CALD1: variants seen among roughly 807,000 people sequenced by gnomAD.
CALD1 encodes the protein caldesmon 1, also known as caldesmon.
A neutral mutation model predicts 99.9 loss-of-function variants in CALD1; 33 were observed. That is an observed-to-expected ratio of 0.33 (90% CI 0.25 to 0.44). The LOEUF (loss-of-function observed/expected upper bound fraction) is 0.44, where lower values mean the gene tolerates loss of function less well. CALD1 is among the 20% of genes least tolerant of loss of function. The pLI is 1.00. For missense variants in CALD1, 861 were observed against 962.1 expected, an observed-to-expected ratio of 0.89 and a Z score of 1.39; for synonymous variants, 310 against 325.0, an observed-to-expected ratio of 0.95 and a Z score of 0.50.
chr7:134,930,319 C>T (rs1447574616), intron 4 of CALD1, among the ~76,000 whole-genome samples: 1 of 151,804 alleles, frequency 6.6e-6, no homozygotes, highest in African/African-American at 2.4e-5. Flanking sequence ...TTTATGTGCC[C>T]CAAGGTCTAA....
intron 6 of CALD1, 96 bp downstream of exon 6, chr7:134,935,861 C>T (rs1186838177): frequency 8.3e-7 from 1 of 1,204,738 alleles, no homozygotes; most frequent in African/African-American, 1.6e-5. Context: ...ATTGTAACCT[C>T]ATATCCAGTG....
chr7:134,864,244 G>GGCTGAA (rs1028109810), intron 2 of CALD1, among the ~76,000 whole-genome samples: 1 of 151,926 alleles, frequency 6.6e-6, no homozygotes, highest in Non-Finnish European at 1.5e-5. Flanking sequence ...GTACTCAGGA[G>GGCTGAA]GCTGAAGCAG....
At chr7:134,823,131 A>G (rs988871202) in intron 1 of CALD1, among the ~76,000 whole-genome samples, 3 of 152,204 alleles carry the variant, frequency 2.0e-5, no homozygotes, top group African/African-American at 4.8e-5. Context: ...GTACGTACAT[A>G]TCATCTCAAA....
chr7:134,790,154 G>C (rs934947333), intron 1 of CALD1, among the ~76,000 whole-genome samples: 46 of 151,586 alleles, frequency 3.0e-4, no homozygotes, highest in African/African-American at 1.1e-3. Flanking sequence ...AGAGGAGGGA[G>C]GGGAGAAGGA....
chr7:134,923,924 T>C (rs1174998802), intron 3 of CALD1, among the ~76,000 whole-genome samples: 1 of 152,152 alleles, frequency 6.6e-6, no homozygotes, highest in African/African-American at 2.4e-5. Flanking sequence ...TTAAAGTGAG[T>C]CTGTAATAAT....
chr7:134,782,876 C>T (rs10244857), intron 1 of CALD1, among the ~76,000 whole-genome samples: 3,812 of 152,194 alleles, frequency 0.025, 154 homozygotes, highest in African/African-American at 0.076. Context: ...AGCCCTGAGC[C>T]GTGTCCAGTG....
chr7:134,766,053 G>A (rs1373556123), intron 1 of CALD1, among the ~76,000 whole-genome samples: 1 of 151,112 alleles, frequency 6.6e-6, no homozygotes, highest in Non-Finnish European at 1.5e-5. Flanking sequence ...AAAGATTCCT[G>A]AGGCTTCACC....
chr7:134,953,514 G>C (rs1381880809), intron 9 of CALD1, among the ~76,000 whole-genome samples: 1 of 148,112 alleles, frequency 6.8e-6, no homozygotes. Context: ...GCAAAACTCC[G>C]TCTCAAAAAA....
At chr7:134,829,720 A>T (rs563435009) in intron 1 of CALD1, among the ~76,000 whole-genome samples, 4 of 152,198 alleles carry the variant, frequency 2.6e-5, no homozygotes, top group Non-Finnish European at 5.9e-5. Flanking sequence ...TAAGCATGGG[A>T]GTGACATGAT....
chr7:134,959,669 C>CAA (rs961395760), intron 11 of CALD1, among the ~76,000 whole-genome samples: 3 of 147,520 alleles, frequency 2.0e-5, no homozygotes, highest in Non-Finnish European at 4.5e-5. Context: ...GACCCTGTCT[C>CAA]AAAAAAAAAC....
intron 1 of CALD1, among the ~76,000 whole-genome samples, chr7:134,789,576 C>T (rs1251560233): frequency 2.6e-5 from 4 of 152,192 alleles, no homozygotes; most frequent in Non-Finnish European, 5.9e-5. Flanking sequence ...CTGCTTTGCA[C>T]GTACATGATA....
chr7:134,759,921 A>C (rs1440274196), intron 1 of CALD1, among the ~76,000 whole-genome samples: 2 of 152,240 alleles, frequency 1.3e-5, no homozygotes, highest in Non-Finnish European at 2.9e-5. Flanking sequence ...ATGTGGCAGG[A>C]TGGTTCTCAT....
At chr7:134,811,861 A>C (rs1798364225) in intron 1 of CALD1, among the ~76,000 whole-genome samples, 1 of 152,176 alleles carries the variant, frequency 6.6e-6, no homozygotes, top group Non-Finnish European at 1.5e-5. Context: ...AAACATTAAG[A>C]ATGTGACATC....
chr7:134,891,721 T>A (rs1328787751), intron 3 of CALD1: 26 of 1,239,854 alleles, frequency 2.1e-5, no homozygotes, highest in Admixed American at 2.6e-5. Context: ...TTTTTTTTTT[T>A]TATAAAAAAC....
intron 3 of CALD1, among the ~76,000 whole-genome samples, chr7:134,888,913 CAT>C (rs1174853024): frequency 4.6e-5 from 7 of 152,228 alleles, no homozygotes; most frequent in African/African-American, 1.7e-4. Context: ...GGATTCTGCA[CAT>C]GAGTGGAAGA....
At position 134,844,623 on chromosome 7, in the gene CALD1, A is replaced by G. The variant is rs1799778723; in HGVS notation, c.-42+652A>G. Among the ~76,000 whole-genome samples, 5 of 152,262 alleles carry G rather than the reference A, an allele frequency of 3.3e-5. No individual in the cohort carries two copies. The South Asian group carries it at 1.0e-3, about 32-fold the overall frequency. On this transcript the variant is annotated intron_variant, in intron 2 of 14. Transcript: ENST00000361675. ...AAATTCTATCTGTTGCCCCCATGCA[A>G]GTTTTCTCAGGCTACCATAGTGAAA...
Position 134,958,273 on chromosome 7 carries a change from T to C in CALD1, c.2044T>C (p.Tyr682His). 6.2e-7 allele frequency: 1 copy of C among 1,613,786 alleles called. No individual in the cohort carries two copies. The highest frequency in any genetic ancestry group is 8.5e-7 in the Non-Finnish European group (1 of 1,179,774). Residue 682 changes from tyrosine (Y) to histidine (H), a missense_variant, in exon 11 of 15, where the codon TAT becomes CAT. Around this residue, in one of 5 missense-constraint regions of CALD1, gnomAD observed 190 missense variants for 249.0 expected, o/e 0.76. Coordinates refer to ENST00000361675, the MANE Select transcript of CALD1 (RefSeq NM_033138.4). ...VSKIDSRLEQ[Y>H]TSAIEGTKSA... Reference sequence around the variant, plus strand: ...CAAGATTGACAGCAGACTGGAGCAGTATACCAGTGCAATTGAGGTGAGAAT... The same window carrying C: ...CAAGATTGACAGCAGACTGGAGCAGCATACCAGTGCAATTGAGGTGAGAAT...
At chr7:134,909,954 G>T (rs1803681097) in intron 3 of CALD1, among the ~76,000 whole-genome samples, 2 of 152,122 alleles carry the variant, frequency 1.3e-5, no homozygotes, top group Admixed American at 1.3e-4. Context: ...AAGTAAGATT[G>T]AGAGCACAAA....
chr7:134,732,900 G>A, the CALD1 span, among the ~76,000 whole-genome samples: 1 of 152,256 alleles, frequency 6.6e-6, no homozygotes, highest in Non-Finnish European at 1.5e-5. Flanking sequence ...GCCCAGGCCT[G>A]GATGTGCGCT....
Sources: gnomAD v4.1 joint callset for allele counts (sites outside exome capture counted in the v4.1 genomes callset) on GRCh38, gnomAD v4.1.1 for gene constraint, gnomAD v4.1.1 regional missense constraint, MANE v1.5 for transcripts, NCBI Gene and HGNC (gene_info 2026-07-23, HGNC 2026-07-21) for gene names.